The following PPP4R2 variants were observed in gnomAD, a reference collection of about 807,000 sequenced individuals.
The protein encoded by PPP4R2 is protein phosphatase 4 regulatory subunit 2.
PPP4R2 carries 13 observed loss-of-function variants against 47.2 expected under a neutral mutation model. That is an observed-to-expected ratio of 0.28 (90% CI 0.18 to 0.44). The LOEUF is 0.44. PPP4R2 is among the 20% of genes least tolerant of loss of function. The probability of loss-of-function intolerance (pLI) is 1.00; values close to 1 mark genes in which losing one functional copy is unlikely to be tolerated. For synonymous variants in PPP4R2, 151 were observed against 163.3 expected, an observed-to-expected ratio of 0.92 and a Z score of 0.57; for missense variants, 421 against 491.2, an observed-to-expected ratio of 0.86 and a Z score of 1.35.
intron 3 of PPP4R2, among the ~76,000 whole-genome samples, chr3:73,054,491 T>C (rs1204838738): frequency 1.3e-5 from 2 of 152,196 alleles, no homozygotes; most frequent in African/African-American, 4.8e-5. Context: ...AGTTTCCATG[T>C]TGACAGTTAA....
At chr3:73,003,053 C>T (rs1382427407) in intron 2 of PPP4R2, among the ~76,000 whole-genome samples, 3 of 152,004 alleles carry the variant, frequency 2.0e-5, no homozygotes, top group Non-Finnish European at 4.4e-5. Flanking sequence ...CAACATTACA[C>T]ATCAGAAAGT....
intron 1 of PPP4R2, 24 bp from the exon 2 acceptor site, chr3:72,998,053 G>GTT: frequency 6.7e-6 from 10 of 1,496,626 alleles, no homozygotes; most frequent in South Asian, 2.4e-5. Context: ...AACTGATAAC[G>GTT]TTTTTTTTTC....
chr3:73,060,759 G>A lies in PPP4R2; in HGVS notation c.382-264G>A, dbSNP rs535386657. 1.4e-4 allele frequency among the ~76,000 whole-genome samples: 22 copies of A among 151,974 alleles called. No homozygotes were observed. The highest frequency in any genetic ancestry group is 9.7e-4 in the East Asian group (5 of 5,178). On this transcript the variant is annotated intron_variant, in intron 4 of 8. Transcript: ENST00000356692. ...TACTACGTATAGTGTATGATGTTAC[G>A]GGTCTAGAATAACTAGATTAGGGTA...
chr3:73,028,357 A>G (rs1446053149), intron 2 of PPP4R2, among the ~76,000 whole-genome samples: 2 of 151,694 alleles, frequency 1.3e-5, no homozygotes, highest in African/African-American at 4.8e-5. Flanking sequence ...GGAATTTTAA[A>G]TAAGATGGTC....
intron 2 of PPP4R2, chr3:73,014,942 G>C: frequency 1.4e-6 from 1 of 690,810 alleles, no homozygotes; most frequent in Admixed American, 2.0e-5. Context: ...GGCCTCAAGT[G>C]ATCCACCTGC....
chr3:73,063,002 C>A (rs1702902635), intron 5 of PPP4R2: 2 of 1,058,776 alleles, frequency 1.9e-6, no homozygotes, highest in South Asian at 3.0e-5. Context: ...TGTCTGAGAT[C>A]CCAGTCTTTG....
At position 73,059,196 on chromosome 3, in the gene PPP4R2, A is replaced by G. The variant is rs918623606; in HGVS notation, c.381+66A>G. 1.5e-5 allele frequency: 12 copies of G among 777,404 alleles called. No homozygotes were observed. The African/African-American group carries it at 2.0e-4, about 13-fold the overall frequency. 48.2% of individuals were successfully genotyped at this position (777,404 alleles called of 1,614,324 possible). A position where few individuals can be genotyped will look rare whatever the true frequency, so the allele number is the denominator to read the frequency against. ...AATAGCTTTTATTTTAGAAAAGAAC[A>G]TTGAGTAAGATCTGTTTCGGGTACC... On this transcript the variant is annotated intron_variant, in intron 4 of 8. Transcript: ENST00000356692.
In PPP4R2 at chr3:73,028,427, C is replaced by T. The variant is rs140284793; in HGVS notation, c.117-18759C>T. ...GAGGCCCAAGAATAAGGGAGTCAGC[C>T]GTGCAATATATAGAAGATAAATCCA... On this transcript the variant is annotated intron_variant, in intron 2 of 8. Coordinates refer to ENST00000356692, the MANE Select transcript of PPP4R2 (RefSeq NM_174907.4). Among the ~76,000 whole-genome samples, 655 of 151,870 alleles carry T rather than the reference C, an allele frequency of 4.3e-3. 3 individuals are homozygous for T. Among genetic ancestry groups the T allele is most frequent in the African/African-American group, 0.015 (622 of 41,364 alleles).
chr3:73,009,133 G>C (rs572675676), intron 2 of PPP4R2, among the ~76,000 whole-genome samples: 1 of 152,292 alleles, frequency 6.6e-6, no homozygotes, highest in African/African-American at 2.4e-5. Flanking sequence ...GATACTAAAT[G>C]AGAGGCTTGT....
At chr3:73,052,877 C>G (rs1024657139) in intron 3 of PPP4R2, among the ~76,000 whole-genome samples, 5 of 152,176 alleles carry the variant, frequency 3.3e-5, no homozygotes, top group Non-Finnish European at 7.3e-5. Context: ...ATCTGTTAAG[C>G]AGGTACAGTC....
chr3:73,021,907 T>A lies in PPP4R2; in HGVS notation c.116+23749T>A, dbSNP rs1277499622. On this transcript the variant is annotated intron_variant, in intron 2 of 8. Coordinates refer to ENST00000356692, the MANE Select transcript of PPP4R2 (RefSeq NM_174907.4). The stretch of plus-strand genomic sequence containing the variant: ...ATATATGCATATATATATATTTTTT[T>A]TTTTTTTTTGAAACAATCTCGCTCT... Among the ~76,000 whole-genome samples the A allele has an allele frequency of 5.5e-4, 83 of 149,718 alleles. 1 individual carries two copies. Among genetic ancestry groups the A allele is most frequent in the African/African-American group, 1.9e-3 (77 of 40,942 alleles).
chr3:73,007,088 T>G (rs1443975224), intron 2 of PPP4R2, among the ~76,000 whole-genome samples: 1 of 152,234 alleles, frequency 6.6e-6, no homozygotes, highest in Non-Finnish European at 1.5e-5. Context: ...AGAATTCTGC[T>G]TTTTAGGAAA....
At chr3:73,032,619 C>G (rs1031849858) in intron 2 of PPP4R2, among the ~76,000 whole-genome samples, 1 of 152,098 alleles carries the variant, frequency 6.6e-6, no homozygotes, top group Non-Finnish European at 1.5e-5. Flanking sequence ...AGTCTTTTTA[C>G]TAGTTACTTT....
Position 73,008,110 on chromosome 3 carries a change from A to G in PPP4R2, c.116+9952A>G, listed in dbSNP as rs543862316. ...GCTTTGGGAAATAAGATCTGAAGCC[A>G]TTGGCTTGGTATAGTGGTTACGTTT... On this transcript the variant is annotated intron_variant, in intron 2 of 8. Coordinates refer to ENST00000356692, the MANE Select transcript of PPP4R2 (RefSeq NM_174907.4). 4.6e-5 allele frequency among the ~76,000 whole-genome samples: 5 copies of G among 107,970 alleles called. No homozygotes were observed. In the East Asian group the frequency reaches 1.1e-3, roughly 24 times the overall value. The allele number at this position is 107,970 out of a possible 152,430, so 70.8% of individuals were successfully genotyped here. A position where few individuals can be genotyped will look rare whatever the true frequency, so the allele number is the denominator to read the frequency against.
intron 2 of PPP4R2, among the ~76,000 whole-genome samples, chr3:73,013,294 T>A (rs1701760262): frequency 6.6e-6 from 1 of 152,196 alleles, no homozygotes; most frequent in Admixed American, 6.5e-5. Context: ...ATGGAGAATA[T>A]CTTGATATAT....
At chr3:73,061,874 T>C (rs1228523029) in intron 5 of PPP4R2, 1 of 493,974 alleles carries the variant, frequency 2.0e-6, no homozygotes, top group East Asian at 4.0e-5. Flanking sequence ...AGTCAATTTG[T>C]TTTTAGAATG....
intron 2 of PPP4R2, among the ~76,000 whole-genome samples, chr3:73,044,731 T>G (rs565209586): frequency 2.0e-5 from 3 of 152,336 alleles, no homozygotes; most frequent in African/African-American, 7.2e-5. Flanking sequence ...AAGCATCTTG[T>G]GTGTTTGCTA....
intron 2 of PPP4R2, among the ~76,000 whole-genome samples, chr3:73,021,880 G>GTGTGTGTGTA (rs1370167478): frequency 4.0e-4 from 54 of 135,336 alleles, no homozygotes; most frequent in African/African-American, 1.4e-3. Flanking sequence ...GTGTGTGTGT[G>GTGTGTGTGTA]TATATATGCA....
intron 2 of PPP4R2, among the ~76,000 whole-genome samples, chr3:73,003,615 G>T (rs549402632): frequency 1.3e-5 from 2 of 152,052 alleles, no homozygotes; most frequent in Non-Finnish European, 2.9e-5. Flanking sequence ...TCTGTCTCTC[G>T]TCAGTTTGGT....
Sources: allele counts gnomAD v4.1 joint callset (sites outside exome capture counted in the v4.1 genomes callset), GRCh38; gene constraint gnomAD v4.1.1; transcripts MANE v1.5; gene names NCBI Gene and HGNC (gene_info 2026-07-23, HGNC 2026-07-21).